The following METTL15 variants were observed in gnomAD, a reference collection of about 807,000 sequenced individuals.
The protein encoded by METTL15 is 12S rRNA N(4)-cytidine methyltransferase METTL15.
In METTL15, 34 loss-of-function variants were observed where a neutral mutation model predicts 38.3. The observed-to-expected ratio is 0.89, with a 90% CI of 0.68 to 1.18. The LOEUF is 1.18. Among genes scored for constraint, METTL15 ranks in the 50% most tolerant of loss-of-function variants. The probability of loss-of-function intolerance (pLI) is 0.00; values close to 1 mark genes in which losing one functional copy is unlikely to be tolerated. For missense variants in METTL15, 438 were observed against 498.4 expected, an observed-to-expected ratio of 0.88 and a Z score of 1.15; for synonymous variants, 162 against 170.9, an observed-to-expected ratio of 0.95 and a Z score of 0.41.
At chr11:28,406,105 A>G (rs779998115) in intron 5 of METTL15, among the ~76,000 whole-genome samples, 1 of 152,174 alleles carries the variant, frequency 6.6e-6, no homozygotes, top group African/African-American at 2.4e-5. Context: ...TTTTTGGTCC[A>G]TATGAATTTT....
chr11:28,432,743 G>T (rs960550753), intron 6 of METTL15, among the ~76,000 whole-genome samples: 2 of 152,166 alleles, frequency 1.3e-5, no homozygotes, highest in Non-Finnish European at 2.9e-5. Flanking sequence ...AGTAGTACAC[G>T]TAGGGACATA....
chr11:28,209,082 C>T (rs898176976), intron 3 of METTL15, among the ~76,000 whole-genome samples: 2 of 151,882 alleles, frequency 1.3e-5, no homozygotes, highest in African/African-American at 2.4e-5. Context: ...TCTACAAGGG[C>T]ATAATCATGA....
At chr11:28,182,895 A>G (rs1851347075) in intron 3 of METTL15, among the ~76,000 whole-genome samples, 1 of 152,046 alleles carries the variant, frequency 6.6e-6, no homozygotes, top group Non-Finnish European at 1.5e-5. Context: ...TGAGCATGGA[A>G]TGTTTTTCTA....
At chr11:28,444,290 A>G (rs1464137015) in intron 6 of METTL15, among the ~76,000 whole-genome samples, 2 of 152,202 alleles carry the variant, frequency 1.3e-5, no homozygotes, top group African/African-American at 4.8e-5. Flanking sequence ...TTTCAAAGCA[A>G]CAGTGTATAC....
intron 4 of METTL15, among the ~76,000 whole-genome samples, chr11:28,231,719 C>A (rs1292446809): frequency 6.6e-6 from 1 of 151,822 alleles, no homozygotes; most frequent in Non-Finnish European, 1.5e-5. Flanking sequence ...CGTTATTCAT[C>A]CCACTTATGT....
At chr11:28,269,361 C>T (rs560122964) in intron 4 of METTL15, among the ~76,000 whole-genome samples, 12 of 152,000 alleles carry the variant, frequency 7.9e-5, no homozygotes, top group African/African-American at 2.7e-4. Flanking sequence ...GTAACTTGCA[C>T]ATGCTTTATA....
chr11:28,515,592 G>A (rs963744615), intron 6 of METTL15, among the ~76,000 whole-genome samples: 2 of 152,110 alleles, frequency 1.3e-5, no homozygotes, highest in South Asian at 2.1e-4. Context: ...CCAAATACTT[G>A]TTTATGTATT....
At chr11:28,190,741 T>A (rs1851671226) in intron 3 of METTL15, among the ~76,000 whole-genome samples, 1 of 151,274 alleles carries the variant, frequency 6.6e-6, no homozygotes, top group African/African-American at 2.4e-5. Flanking sequence ...TAAATTATAA[T>A]GATAGATGAG....
At chr11:28,269,472 G>A (rs1488432185) in intron 4 of METTL15, among the ~76,000 whole-genome samples, 1 of 151,916 alleles carries the variant, frequency 6.6e-6, no homozygotes, top group Non-Finnish European at 1.5e-5. Flanking sequence ...CTCAAAAACT[G>A]AGTGTCATAG....
At chr11:28,382,949 G>A (rs1850404241) in intron 5 of METTL15, among the ~76,000 whole-genome samples, 1 of 127,344 alleles carries the variant, frequency 7.9e-6, no homozygotes, top group Non-Finnish European at 1.6e-5. Context: ...ATTGGTGATG[G>A]TGACAATCTT....
At chr11:28,323,067 T>TTTC (rs1849523083) in intron 6 of METTL15, among the ~76,000 whole-genome samples, 1 of 152,200 alleles carries the variant, frequency 6.6e-6, no homozygotes, top group African/African-American at 2.4e-5. Context: ...TATGTATTTT[T>TTTC]GTCATACATG....
intron 3 of METTL15, chr11:28,122,148 GGTGTGAGGA>G: frequency 1.6e-6 from 2 of 1,239,188 alleles, no homozygotes; most frequent in Non-Finnish European, 2.1e-6. Flanking sequence ...ACAGAGTCTT[GGTGTGAGGA>G]GTGTGGGAAT....
intron 6 of METTL15, among the ~76,000 whole-genome samples, chr11:28,430,086 G>A (rs1475516915): frequency 1.3e-5 from 2 of 148,232 alleles, no homozygotes; most frequent in East Asian, 2.1e-4. Context: ...CTGCCCGGCC[G>A]CCCTGTCTGA....
At chr11:28,210,192 A>G (rs919292639) in intron 3 of METTL15, among the ~76,000 whole-genome samples, 2 of 152,014 alleles carry the variant, frequency 1.3e-5, no homozygotes, top group African/African-American at 2.4e-5. Flanking sequence ...ACCATACTGT[A>G]TATCTGGAAT....
chr11:28,457,156 G>A lies in METTL15; in HGVS notation c.*424+32792G>A, dbSNP rs955231084. On this transcript the variant is annotated intron_variant and NMD_transcript_variant, in intron 6 of 7. Coordinates refer to the METTL15 transcript ENST00000532947. Reference sequence around the variant, plus strand: ...AAAGTTCTTGGGTTCTAAGTTGTAAGAAGACTGCCTCTGGATGTTTTAAGC... The same window carrying A: ...AAAGTTCTTGGGTTCTAAGTTGTAAAAAGACTGCCTCTGGATGTTTTAAGC... 4.6e-5 allele frequency among the ~76,000 whole-genome samples: 7 copies of A among 152,196 alleles called. No homozygotes were observed. In the South Asian group the frequency reaches 1.2e-3, roughly 27 times the overall value.
At chr11:28,289,655 A>G (rs1264042030) in intron 4 of METTL15, among the ~76,000 whole-genome samples, 1 of 152,154 alleles carries the variant, frequency 6.6e-6, no homozygotes. Flanking sequence ...GAGATAATAC[A>G]TTGCTTCAGC....
chr11:28,257,048 T>G (rs1855000721), intron 4 of METTL15, among the ~76,000 whole-genome samples: 1 of 152,218 alleles, frequency 6.6e-6, no homozygotes, highest in Non-Finnish European at 1.5e-5. Context: ...CCGATTGAAG[T>G]ACTCCCTTGG....
At chr11:28,239,167 C>G (rs1156555489) in intron 4 of METTL15, among the ~76,000 whole-genome samples, 1 of 152,132 alleles carries the variant, frequency 6.6e-6, no homozygotes, top group East Asian at 1.9e-4. Context: ...TTATCCCATC[C>G]AACTGCTTAG....
rs180680279 is a variant in METTL15 at position 28,314,640 on chromosome 11, A to G, written c.779-15756A>G. The stretch of plus-strand genomic sequence containing the variant: ...AATAGGTAATGGGAATCATGATTCA[A>G]TTTCAGGTATCCCATCTATGCTGAG... On this transcript the variant is annotated intron_variant, in intron 6 of 6. Transcript: ENST00000407364. Among the ~76,000 whole-genome samples the G allele has an allele frequency of 2.6e-4, 39 of 152,342 alleles. No individual in the cohort carries two copies. The East Asian group carries it at 6.9e-3, about 27-fold the overall frequency.
Sources: gnomAD v4.1 joint callset for allele counts (sites outside exome capture counted in the v4.1 genomes callset) on GRCh38, gnomAD v4.1.1 for gene constraint, MANE v1.5 for transcripts, NCBI Gene and HGNC (gene_info 2026-07-23, HGNC 2026-07-21) for gene names.